DGKI: variants seen among roughly 807,000 people sequenced by gnomAD.
DGKI encodes the protein diacylglycerol kinase iota, also known as DAG kinase iota.
In DGKI, 55 loss-of-function variants were observed where a neutral mutation model predicts 147.5. That is an observed-to-expected ratio of 0.37 (90% confidence interval 0.30 to 0.47). The LOEUF (loss-of-function observed/expected upper bound fraction) is 0.47. Ranked by LOEUF, DGKI falls within the 20% of genes least tolerant of loss-of-function variation. The pLI is 1.00. For missense variants in DGKI, 1,007 were observed against 1,323.8 expected (o/e 0.76, Z 3.71); for synonymous variants, 469 against 477.1 (o/e 0.98, Z 0.22).
chr7:137,758,955 T>C (rs1795771226), intron 1 of DGKI, among the ~76,000 whole-genome samples: 1 of 152,220 alleles, frequency 6.6e-6, no homozygotes, highest in African/African-American at 2.4e-5. Context: ...TATATTCTTC[T>C]TAAATTTTTT....
chr7:137,572,328 C>T (rs918558402), intron 18 of DGKI, among the ~76,000 whole-genome samples: 1 of 152,172 alleles, frequency 6.6e-6, no homozygotes, highest in African/African-American at 2.4e-5. Context: ...CTAACTCATC[C>T]TATTTTTCAA....
chr7:137,838,690 A>G (rs1798458604), intron 1 of DGKI, among the ~76,000 whole-genome samples: 1 of 152,214 alleles, frequency 6.6e-6, no homozygotes, highest in Non-Finnish European at 1.5e-5. Context: ...AGGGGAAAAA[A>G]AATGAATTCA....
At chr7:137,395,161 T>C (rs1417017808) in intron 32 of DGKI, among the ~76,000 whole-genome samples, 1 of 152,194 alleles carries the variant, frequency 6.6e-6, no homozygotes, top group East Asian at 1.9e-4. Flanking sequence ...AAGAATCCCT[T>C]TGGCACCCAT....
chr7:137,645,291 G>A (rs557805182), intron 6 of DGKI, among the ~76,000 whole-genome samples, 181 bp downstream of exon 6: 16 of 152,292 alleles, frequency 1.1e-4, no homozygotes, highest in African/African-American at 3.6e-4. Flanking sequence ...TAACACCATT[G>A]CCTCATGCAG....
chr7:137,832,469 G>A (rs1798246483), intron 1 of DGKI, among the ~76,000 whole-genome samples: 1 of 152,250 alleles, frequency 6.6e-6, no homozygotes, highest in South Asian at 2.1e-4. Context: ...TGAACCCTCT[G>A]AAGCAATAGC....
chr7:137,536,628 C>T (rs1817530216), intron 20 of DGKI, among the ~76,000 whole-genome samples: 1 of 152,126 alleles, frequency 6.6e-6, no homozygotes, highest in African/African-American at 2.4e-5. Context: ...ATTCGAAGGA[C>T]CAACTGCAGT....
At chr7:137,484,996 A>C (rs1219134250) in intron 23 of DGKI, among the ~76,000 whole-genome samples, 1 of 152,092 alleles carries the variant, frequency 6.6e-6, no homozygotes, top group Non-Finnish European at 1.5e-5. Context: ...GACCAGCAGG[A>C]AAGTGGAGTG....
chr7:137,761,095 C>A lies in DGKI; in HGVS notation c.402-71093G>T, dbSNP rs919756040. ...TACCCTTTGATAACCAGCAACTCAC[C>A]TTTTTGGAAAGTCATCTCCCCTTTC... On this transcript the variant is annotated intron_variant, in intron 1 of 32. Coordinates refer to ENST00000614521, the MANE Select transcript of DGKI (RefSeq NM_001321708.2). Among the ~76,000 whole-genome samples, 7 of 152,288 alleles carry A rather than the reference C, an allele frequency of 4.6e-5. 1 individual carries two copies. Among genetic ancestry groups the A allele is most frequent in the Admixed American group, 1.3e-4 (2 of 15,302 alleles).
chr7:137,395,161 T>A (rs1417017808), intron 32 of DGKI, among the ~76,000 whole-genome samples: 1 of 152,194 alleles, frequency 6.6e-6, no homozygotes, highest in African/African-American at 2.4e-5. Flanking sequence ...AAGAATCCCT[T>A]TGGCACCCAT....
intron 3 of DGKI, among the ~76,000 whole-genome samples, chr7:137,661,549 T>C (rs1236697373): frequency 6.6e-6 from 1 of 152,102 alleles, no homozygotes; most frequent in Non-Finnish European, 1.5e-5. Context: ...GGGCCAGGCC[T>C]ACCCCCAGCT....
At chr7:137,428,870 G>C (rs1156272395) in intron 28 of DGKI, among the ~76,000 whole-genome samples, 3 of 152,180 alleles carry the variant, frequency 2.0e-5, no homozygotes, top group African/African-American at 7.2e-5. Context: ...TCTTCAAGGA[G>C]AACTACAAAC....
intron 29 of DGKI, 125 bp downstream of exon 29, chr7:137,412,045 T>A (rs1262044257): frequency 2.2e-6 from 2 of 923,832 alleles, no homozygotes; most frequent in Admixed American, 3.9e-5. Context: ...ATCCTGCCTC[T>A]TCTACCCAGC....
chr7:137,398,086 C>T (rs1811618225), intron 30 of DGKI, among the ~76,000 whole-genome samples: 1 of 152,178 alleles, frequency 6.6e-6, no homozygotes, highest in African/African-American at 2.4e-5. Flanking sequence ...CCCTCTTCAG[C>T]CTATGGGTAT....
At chr7:137,461,548 T>A (rs1255947561) in intron 27 of DGKI, among the ~76,000 whole-genome samples, 1 of 152,198 alleles carries the variant, frequency 6.6e-6, no homozygotes, top group African/African-American at 2.4e-5. Context: ...AGGTAAGGCA[T>A]CTGGTTTAGT....
chr7:137,613,351 C>T (rs1391851386), intron 8 of DGKI, among the ~76,000 whole-genome samples: 2 of 152,010 alleles, frequency 1.3e-5, no homozygotes, highest in African/African-American at 2.4e-5. Flanking sequence ...AAAGGCTGCT[C>T]TGAGGATGGG....
intron 20 of DGKI, among the ~76,000 whole-genome samples, chr7:137,543,813 G>T (rs1040070115): frequency 5.9e-5 from 9 of 152,300 alleles, no homozygotes; most frequent in Admixed American, 5.2e-4. Flanking sequence ...ACACTAGTGT[G>T]TGAGTAAATC....
chr7:137,580,157 AT>A (rs1819139379), intron 15 of DGKI, among the ~76,000 whole-genome samples: 1 of 152,054 alleles, frequency 6.6e-6, no homozygotes, highest in Admixed American at 6.6e-5. Flanking sequence ...TTTCATGCCT[AT>A]TTTTGGAAAT....
At chr7:137,739,123 CAGCCCATGCTCAGCACTCTG>C (rs1439484321) in intron 1 of DGKI, among the ~76,000 whole-genome samples, 1 of 152,254 alleles carries the variant, frequency 6.6e-6, no homozygotes, top group East Asian at 1.9e-4. Flanking sequence ...AGCTGAAATC[CAGCCCATGCTCAGCACTCTG>C]AGCCACGTGT....
At chr7:137,776,106 C>G (rs1796354167) in intron 1 of DGKI, among the ~76,000 whole-genome samples, 1 of 152,164 alleles carries the variant, frequency 6.6e-6, no homozygotes. Context: ...GATCCACCTG[C>G]CTTGGCCTCC....
Sources: allele counts gnomAD v4.1 joint callset (sites outside exome capture counted in the v4.1 genomes callset), GRCh38; gene constraint gnomAD v4.1.1; transcripts MANE v1.5; gene names NCBI Gene and HGNC (gene_info 2026-07-23, HGNC 2026-07-21).